The following AGT variants were observed in gnomAD, a reference collection of about 807,000 sequenced individuals.
AGT encodes the protein angiotensinogen.
In AGT, 26 loss-of-function variants were observed where a neutral mutation model predicts 28.1. The observed-to-expected ratio is 0.92, with a 90% confidence interval of 0.68 to 1.28. The LOEUF (loss-of-function observed/expected upper bound fraction) is 1.28, where lower values mean the gene tolerates loss of function less well. Ranked by LOEUF, AGT falls within the 50% of genes most tolerant of loss-of-function variation. AGT has a pLI of 0.00. For synonymous variants in AGT, 259 were observed against 259.6 expected (o/e 1.00, Z 0.02); for missense variants, 596 against 592.3 (o/e 1.01, Z -0.06).
rs61762541 is a variant in AGT, at chr1:230,710,840, C to G, written c.-17G>C. The G allele has an allele frequency of 3.0e-4, 482 of 1,613,142 alleles. No individual in the cohort carries two copies. Among genetic ancestry groups the G allele is most frequent in the Non-Finnish European group, 3.8e-4 (446 of 1,180,036 alleles). ...AGGAGCCATCTCAGACTGGGGTGCTCGCTTCCGCATACCCTGAAATATCAT... is the reference window on the plus strand; with the variant it reads ...AGGAGCCATCTCAGACTGGGGTGCTGGCTTCCGCATACCCTGAAATATCAT... On this transcript the variant is annotated 5_prime_UTR_variant, in exon 2 of 5. Transcript: ENST00000366667.
upstream of AGT, among the ~76,000 whole-genome samples, chr1:230,715,320 A>C (rs1663708105): frequency 6.6e-6 from 1 of 151,972 alleles, no homozygotes; most frequent in Non-Finnish European, 1.5e-5. Context: ...ATAGATAGGG[A>C]CTCCTCAAAA....
intron 1 of AGT, among the ~76,000 whole-genome samples, chr1:230,731,676 G>C (rs1571986518): frequency 6.6e-6 from 1 of 152,114 alleles, no homozygotes; most frequent in African/African-American, 2.4e-5. Flanking sequence ...GACCAGTCTG[G>C]CCAACATGGT....
chr1:230,724,468 A>C (rs1267292179), intron 1 of AGT, among the ~76,000 whole-genome samples: 4 of 152,194 alleles, frequency 2.6e-5, no homozygotes, highest in Non-Finnish European at 5.9e-5. Context: ...TGTTTTATCC[A>C]ATCCATAATG....
chr1:230,736,518 C>CG (rs1558295908), intron 1 of AGT, among the ~76,000 whole-genome samples: 2 of 151,596 alleles, frequency 1.3e-5, no homozygotes, highest in African/African-American at 2.4e-5. Flanking sequence ...GACTCCATCT[C>CG]GAAAAAAAAG....
At chr1:230,744,704 A>G (rs1333347202) in intron 1 of AGT, among the ~76,000 whole-genome samples, 1 of 152,204 alleles carries the variant, frequency 6.6e-6, no homozygotes, top group African/African-American at 2.4e-5. Flanking sequence ...CTTCCAATAC[A>G]TAGATAAGTC....
rs1926723 is a variant in AGT at position 230,704,350 on chromosome 1, T to A, written c.1098-13A>T. 5.6e-6 allele frequency: 9 copies of A among 1,613,578 alleles called. No homozygotes were observed. Among genetic ancestry groups the A allele is most frequent in the East Asian group, 4.5e-5 (2 of 44,856 alleles). On this transcript the variant is annotated splice_polypyrimidine_tract_variant and intron_variant, in intron 3 of 4. Coordinates refer to ENST00000366667, the MANE Select transcript of AGT (RefSeq NM_001384479.1). ...CAGGTGGATGGTCCTGGGGAGATGA[T>A]GCACAGTTAGGAAGGCTCCAGGCCA...
chr1:230,732,162 G>T (rs1023062820), intron 1 of AGT, among the ~76,000 whole-genome samples: 10 of 152,018 alleles, frequency 6.6e-5, no homozygotes, highest in African/African-American at 2.4e-4. Flanking sequence ...TTTGTTGTTT[G>T]TTTGTTTATT....
At chr1:230,739,539 A>G (rs1664210433) in intron 1 of AGT, among the ~76,000 whole-genome samples, 1 of 152,100 alleles carries the variant, frequency 6.6e-6, no homozygotes, top group Admixed American at 6.6e-5. Context: ...GCAAGCACAG[A>G]GAAACCAGGT....
rs1261362766 is a variant in AGT at position 230,710,161 on chromosome 1, A to G, written c.663T>C (p.Tyr221=). 5 of 1,614,122 alleles carry G rather than the reference A, an allele frequency of 3.1e-6. No homozygotes were observed. The highest frequency in any genetic ancestry group is 4.5e-5 in the East Asian group (2 of 44,884). The change falls in exon 2 of 5, where the codon TAT becomes TAC. Residue 221 remains tyrosine (Y), a synonymous_variant. Transcript: ENST00000366667. ...GAGAGCGTGGGAGGACCACAGGGGT[A>G]TAGAGAGCCAGGCCCTGCACAAACG... ...KQPFVQGLAL[Y]TPVVLPRSLD... is the part of the protein sequence containing the mutation.
intron 1 of AGT, among the ~76,000 whole-genome samples, chr1:230,722,902 G>T (rs913588707): frequency 1.3e-5 from 2 of 152,154 alleles, no homozygotes; most frequent in African/African-American, 4.8e-5. Flanking sequence ...AGGCATGATT[G>T]GTTTTGAAAT....
chr1:230,706,096 G>A lies in AGT; in HGVS notation c.934C>T (p.His312Tyr), dbSNP rs1558286343. 3.1e-6 allele frequency: 5 copies of A among 1,614,156 alleles called. No homozygotes were observed. The highest frequency in any genetic ancestry group is 3.4e-6 in the Non-Finnish European group (4 of 1,180,024). The change falls in exon 3 of 5, where the codon CAC (histidine) becomes TAC (tyrosine). Residue 312 changes from histidine to tyrosine, a missense_variant. Coordinates refer to ENST00000366667, the MANE Select transcript of AGT (RefSeq NM_001384479.1). Reference sequence around the variant, plus strand: ...AAGTTGTCCTGGATGTCACTCCAGTGCTGGAAGGTGCCCATGCCAGAGAGC... The same window carrying A: ...AAGTTGTCCTGGATGTCACTCCAGTACTGGAAGGTGCCCATGCCAGAGAGC... ...PMLSGMGTFQ[H>Y]WSDIQDNFSV...
upstream of AGT, among the ~76,000 whole-genome samples, chr1:230,716,241 A>G (rs1453814767): frequency 1.3e-5 from 2 of 152,234 alleles, no homozygotes; most frequent in East Asian, 1.9e-4. Context: ...AATTATTCCC[A>G]TAAGGAGCAG....
chr1:230,738,736 A>G (rs1159580696), intron 1 of AGT, among the ~76,000 whole-genome samples: 2 of 152,256 alleles, frequency 1.3e-5, no homozygotes, highest in East Asian at 3.8e-4. Context: ...GATGAGATGC[A>G]TAAAGAGATG....
At chr1:230,708,061 C>A (rs561568006) in intron 2 of AGT, among the ~76,000 whole-genome samples, 139 of 152,302 alleles carry the variant, frequency 9.1e-4, no homozygotes, top group African/African-American at 3.1e-3. Flanking sequence ...CCCGAGACAG[C>A]CCCCGATCTC....
In AGT at chr1:230,712,031, G is replaced by T. The variant is rs1663604984; in HGVS notation, c.-30-1178C>A. Among the ~76,000 whole-genome samples the T allele has an allele frequency of 1.3e-5, 2 of 152,132 alleles. 1 individual carries two copies. The highest frequency in any genetic ancestry group is 4.8e-5 in the African/African-American group (2 of 41,434). ...TAATTCATTTCATCTGACTCTTCTT[G>T]ATTGAAGGGATGAACGTTTATTCTA... On this transcript the variant is annotated intron_variant, in intron 1 of 4. Coordinates refer to ENST00000366667, the MANE Select transcript of AGT (RefSeq NM_001384479.1).
intron 1 of AGT, among the ~76,000 whole-genome samples, chr1:230,741,394 G>A (rs757058523): frequency 1.3e-5 from 2 of 152,206 alleles, no homozygotes; most frequent in Admixed American, 1.3e-4. Flanking sequence ...GAGCCTATGC[G>A]CCTACAAGCT....
intron 1 of AGT, among the ~76,000 whole-genome samples, chr1:230,743,408 T>C (rs1009974685): frequency 1.3e-5 from 2 of 152,134 alleles, no homozygotes; most frequent in African/African-American, 2.4e-5. Context: ...CCTTTACACC[T>C]CCACCCTTGC....
intron 1 of AGT, among the ~76,000 whole-genome samples, chr1:230,742,293 G>A (rs577392938): frequency 6.6e-6 from 1 of 152,146 alleles, no homozygotes; most frequent in South Asian, 2.1e-4. Flanking sequence ...TACTCTACAT[G>A]CCATTCTGCA....
chr1:230,717,209 T>C (rs1256575511), upstream of AGT, among the ~76,000 whole-genome samples: 1 of 151,826 alleles, frequency 6.6e-6, no homozygotes, highest in African/African-American at 2.4e-5. Context: ...GAGTCTCTTA[T>C]GTCTTCCCTT....
Sources: allele counts gnomAD v4.1 joint callset (sites outside exome capture counted in the v4.1 genomes callset), GRCh38; gene constraint gnomAD v4.1.1; transcripts MANE v1.5; gene names NCBI Gene and HGNC (gene_info 2026-07-23, HGNC 2026-07-21).